Variants in CCDC88A observed in about 807,000 individuals in gnomAD.
The protein encoded by CCDC88A is coiled-coil and HOOK domain protein 88A, also known as girdin.
A neutral mutation model predicts 234.3 loss-of-function variants in CCDC88A; 54 were observed. The ratio of observed to expected loss-of-function variants is 0.23; its 90% CI spans 0.19 to 0.29. CCDC88A has a LOEUF of 0.29. Among genes scored for constraint, CCDC88A ranks in the 10% least tolerant of loss-of-function variants. CCDC88A has a pLI of 1.00. For missense variants in CCDC88A, 1,832 were observed against 2,123.4 expected, an observed-to-expected ratio of 0.86 and a Z score of 2.70; for synonymous variants, 753 against 737.8, an observed-to-expected ratio of 1.02 and a Z score of -0.33.
rs536757544 is a variant in CCDC88A at position 55,406,507 on chromosome 2, C to T, written c.164+12309G>A. Among the ~76,000 whole-genome samples the T allele has an allele frequency of 1.2e-4, 18 of 152,264 alleles. No individual in the cohort carries two copies. The South Asian group carries it at 3.7e-3, about 32-fold the overall frequency. On this transcript the variant is annotated intron_variant, in intron 2 of 32. Transcript: ENST00000436346. ...TGGTGGCTTACACCTGTAATCCCAG[C>T]ACTTGGGAGGTTGAGGCAGGCTGAT...
Position 55,418,936 on chromosome 2 carries a change from C to A in CCDC88A, c.64-20G>T. 6.2e-7 allele frequency: 1 copy of A among 1,608,196 alleles called. No homozygotes were observed. The highest frequency in any genetic ancestry group is 1.3e-5 in the African/African-American group (1 of 74,910). ...TTTAACCTAGAACAAACAGAAGGATCACCACGACATGAACGCCCACCTCCA... is the reference window on the plus strand; with the variant it reads ...TTTAACCTAGAACAAACAGAAGGATAACCACGACATGAACGCCCACCTCCA... On this transcript the variant is annotated intron_variant, in intron 1 of 32. Coordinates refer to ENST00000436346, the MANE Select transcript of CCDC88A (RefSeq NM_001365480.1).
chr2:55,327,781 G>A (rs1684451946), intron 17 of CCDC88A, among the ~76,000 whole-genome samples: 1 of 152,188 alleles, frequency 6.6e-6, no homozygotes, highest in East Asian at 1.9e-4. Context: ...AAAATAAACA[G>A]TTGCCTCTGC....
At chr2:55,406,584 T>C (rs1016997172) in intron 2 of CCDC88A, among the ~76,000 whole-genome samples, 2 of 152,060 alleles carry the variant, frequency 1.3e-5, no homozygotes, top group Non-Finnish European at 2.9e-5. Flanking sequence ...AAAAACCCCG[T>C]CTCTACTAAA....
chr2:55,357,743 T>A (rs1408220541), intron 7 of CCDC88A, among the ~76,000 whole-genome samples: 2 of 152,126 alleles, frequency 1.3e-5, no homozygotes, highest in Non-Finnish European at 2.9e-5. Context: ...CTACCAGAAT[T>A]CATTTCTTTA....
chr2:55,361,806 C>G (rs12621289), intron 7 of CCDC88A: 1 of 152,096 alleles, frequency 6.6e-6, no homozygotes, highest in Non-Finnish European at 1.5e-5. Flanking sequence ...TCTGTTTTAA[C>G]GGACTTAAAA....
intron 2 of CCDC88A, among the ~76,000 whole-genome samples, chr2:55,402,115 T>C (rs1424271356): frequency 6.6e-6 from 1 of 152,064 alleles, no homozygotes; most frequent in Non-Finnish European, 1.5e-5. Flanking sequence ...CAAAGAGCTT[T>C]TGTTTATGTG....
Position 55,334,921 on chromosome 2 carries a change from A to G in CCDC88A, c.1900T>C (p.Leu634=). ...GERAEELENE[L]HHLEKENELL... ...TCATTTTCTTTTTCAAGATGATGCA[A>G]TTCATTTTCAAGTTCTTCAGCTCGT... Residue 634 remains leucine (L), a synonymous_variant, in exon 15 of 33, where the codon TTG becomes CTG. Coordinates refer to ENST00000436346, the MANE Select transcript of CCDC88A (RefSeq NM_001365480.1). This position sits in a 1 kb window ranked among gnomAD's most constrained non-coding sequence, Gnocchi z 6.1. 2.0e-6 allele frequency: 3 copies of G among 1,524,350 alleles called. No homozygotes were observed. Among genetic ancestry groups the G allele is most frequent in the South Asian group, 2.4e-5 (2 of 81,648 alleles). The allele number at this position is 1,524,350 out of a possible 1,614,324, so 94.4% of individuals were successfully genotyped here.
chr2:55,382,885 G>C (rs983815199), intron 3 of CCDC88A, among the ~76,000 whole-genome samples: 2 of 151,986 alleles, frequency 1.3e-5, no homozygotes, highest in African/African-American at 4.8e-5. Flanking sequence ...GTTTTGCTTA[G>C]TTTTTTACTC....
intron 2 of CCDC88A, among the ~76,000 whole-genome samples, chr2:55,412,822 C>T (rs891277861): frequency 6.6e-6 from 1 of 152,126 alleles, no homozygotes. Context: ...CATAACAATC[C>T]TGTGACTTTT....
intron 2 of CCDC88A, among the ~76,000 whole-genome samples, chr2:55,390,187 G>A (rs1464805558): frequency 2.0e-5 from 3 of 151,874 alleles, no homozygotes; most frequent in Non-Finnish European, 4.4e-5. Flanking sequence ...CTATTTTTGT[G>A]TATCTCTTTA....
At chr2:55,325,058 T>G (rs1684096654) in intron 17 of CCDC88A, among the ~76,000 whole-genome samples, 1 of 152,368 alleles carries the variant, frequency 6.6e-6, no homozygotes, top group South Asian at 2.1e-4. Flanking sequence ...TGCACCAATA[T>G]TTGATCAATA....
rs1679962912 is a variant in CCDC88A, at chr2:55,295,810, T to C, written c.5338A>G (p.Lys1780Glu). 1 of 1,614,192 alleles carries C rather than the reference T, an allele frequency of 6.2e-7. No individual in the cohort carries two copies. The highest frequency in any genetic ancestry group is 8.5e-7 in the Non-Finnish European group (1 of 1,180,028). The change falls in exon 31 of 33, where the codon AAA becomes GAA. Residue 1780 changes from lysine to glutamate, a missense_variant. This residue lies in a region of CCDC88A where 422 missense variants were observed against 416.5 expected (regional missense o/e 1.01). Transcript: ENST00000436346. ...AGKPTPGTQG[K>E]IKLVKESSLS... ...GAAGATTCTTTTACTAATTTTATTT[T>C]TCCTTGAGTGCCTGGTGTAGGTTTT...
In CCDC88A at chr2:55,343,693, C is replaced by T; in HGVS notation, c.1288G>A (p.Gly430Ser). ...CTGGATATCTGTTCCAGTTCCCAGC[C>T]AAGATGTAATGATTCATCCATACTT... ...KQSMDESLHLGWELEQISRTS... is the reference protein window; with the variant it reads ...KQSMDESLHLSWELEQISRTS... Residue 430 changes from glycine to serine, a missense_variant, in exon 12 of 33, where the codon GGC (glycine) becomes AGC (serine). Gly to Ser is a moderately conservative substitution (Grantham distance 56, BLOSUM62 0). This residue lies in a region of CCDC88A where 1,282 missense variants were observed against 1,543.6 expected (regional missense o/e 0.83). Transcript: ENST00000436346. The T allele has an allele frequency of 6.2e-7, 1 of 1,611,768 alleles. No individual in the cohort carries two copies. Among genetic ancestry groups the T allele is most frequent in the East Asian group, 2.2e-5 (1 of 44,726 alleles).
At chr2:55,359,544 T>C (rs1314866891) in intron 7 of CCDC88A, among the ~76,000 whole-genome samples, 1 of 151,434 alleles carries the variant, frequency 6.6e-6, no homozygotes, top group Non-Finnish European at 1.5e-5. Flanking sequence ...ACGGGAAATG[T>C]TTTTAAAGCA....
rs370384888 is a variant in CCDC88A, at chr2:55,411,894, G to A, written c.164+6922C>T. Among the ~76,000 whole-genome samples, 9 of 151,476 alleles carry A rather than the reference G, an allele frequency of 5.9e-5. No individual in the cohort carries two copies. The East Asian group carries it at 1.2e-3, about 20-fold the overall frequency. The stretch of plus-strand genomic sequence containing the variant: ...AAAAAACCATGGACCATGAAATCTT[G>A]CTCCTATCACCTTGCCTCAAAGGAG... On this transcript the variant is annotated intron_variant, in intron 2 of 32. Transcript: ENST00000436346.
Position 55,419,150 on chromosome 2 carries a change from G to T in CCDC88A, c.-71C>A, listed in dbSNP as rs539305768. The T allele has an allele frequency of 5.6e-6, 5 of 886,706 alleles. No homozygotes were observed. Among genetic ancestry groups the T allele is most frequent in the South Asian group, 2.9e-5 (2 of 69,136 alleles). 54.9% of individuals were successfully genotyped at this position (886,706 alleles called of 1,614,324 possible). ...CCTAGGGAATTGGTCACTAAACGTG[G>T]AAGTAAGTAGAAATCAATGAAAGTC... On this transcript the variant is annotated 5_prime_UTR_variant, in exon 1 of 33. Coordinates refer to ENST00000436346, the MANE Select transcript of CCDC88A (RefSeq NM_001365480.1).
At chr2:55,389,463 G>A (rs1676225223) in intron 2 of CCDC88A, among the ~76,000 whole-genome samples, 1 of 152,156 alleles carries the variant, frequency 6.6e-6, no homozygotes, top group Non-Finnish European at 1.5e-5. Flanking sequence ...GGAAATTGCG[G>A]CACCTCCACA....
intron 9 of CCDC88A, among the ~76,000 whole-genome samples, chr2:55,347,875 G>T (rs1240572245): frequency 6.6e-6 from 1 of 151,902 alleles, no homozygotes; most frequent in Admixed American, 6.6e-5. Flanking sequence ...CCCTTTCAAA[G>T]TGCTGGGATT....
chr2:55,347,417 C>T (rs1669287808), intron 9 of CCDC88A, among the ~76,000 whole-genome samples: 1 of 151,992 alleles, frequency 6.6e-6, no homozygotes, highest in Non-Finnish European at 1.5e-5. Context: ...TTTCCAGAGG[C>T]TACATGGTGT....
Sources: gnomAD v4.1 joint callset for allele counts (sites outside exome capture counted in the v4.1 genomes callset) on GRCh38, gnomAD v4.1.1 for gene constraint, gnomAD v4.1.1 regional missense constraint, Gnocchi (gnomAD v3.1) non-coding constraint, MANE v1.5 for transcripts, NCBI Gene and HGNC (gene_info 2026-07-23, HGNC 2026-07-21) for gene names.